CNOT6: variants seen among roughly 807,000 people sequenced by gnomAD.
CNOT6 encodes the protein CCR4-NOT transcription complex subunit 6.
Under a neutral mutation model 61.2 loss-of-function variants are expected in CNOT6, and 12 were observed. The ratio of observed to expected loss-of-function variants is 0.20; its 90% CI spans 0.13 to 0.32. The LOEUF (loss-of-function observed/expected upper bound fraction) is 0.32, where lower values mean the gene tolerates loss of function less well. Ranked by LOEUF, CNOT6 falls within the 10% of genes least tolerant of loss-of-function variation. The probability of loss-of-function intolerance (pLI) is 1.00; values close to 1 mark genes in which losing one functional copy is unlikely to be tolerated. For missense variants in CNOT6, 405 were observed against 663.9 expected, an observed-to-expected ratio of 0.61 and a Z score of 4.28; for synonymous variants, 225 against 240.6, an observed-to-expected ratio of 0.94 and a Z score of 0.60.
In CNOT6 at chr5:180,567,210, T is replaced by A; in HGVS notation, c.840T>A (p.Val280=). 1 of 1,610,940 alleles carries A rather than the reference T, an allele frequency of 6.2e-7. No homozygotes were observed. The highest frequency in any genetic ancestry group is 2.2e-5 in the East Asian group (1 of 44,854). ...RTMSEQERKH[V]DGCAIFFKTE... ...TGTCAGAACAAGAAAGGAAACATGT[T>A]GATGGCTGTGCAATATTCTTCAAGA... is the stretch of plus-strand genomic sequence containing the variant. Residue 280 remains valine, a synonymous_variant, in exon 8 of 12, where the codon GTT becomes GTA. Coordinates refer to ENST00000261951, the MANE Select transcript of CNOT6 (RefSeq NM_001370472.1).
intron 3 of CNOT6, among the ~76,000 whole-genome samples, chr5:180,550,776 C>A (rs1759556517): frequency 6.6e-6 from 1 of 152,120 alleles, no homozygotes; most frequent in Admixed American, 6.6e-5. Flanking sequence ...GAAACCATTG[C>A]CAGTTGGTGA....
intron 2 of CNOT6, among the ~76,000 whole-genome samples, chr5:180,546,023 TTCTC>T (rs905324654): frequency 3.4e-5 from 5 of 148,242 alleles, no homozygotes; most frequent in East Asian, 2.0e-4. Context: ...TTTTATTTCT[TTCTC>T]TCTCTTTTTT....
intron 4 of CNOT6, among the ~76,000 whole-genome samples, chr5:180,557,400 T>G (rs1255233239): frequency 1.3e-5 from 2 of 152,138 alleles, no homozygotes; most frequent in African/African-American, 4.8e-5. Context: ...GCATTTGGTG[T>G]TGTGACTGTT....
At chr5:180,519,699 G>A (rs772225377) in intron 1 of CNOT6, among the ~76,000 whole-genome samples, 7 of 151,498 alleles carry the variant, frequency 4.6e-5, no homozygotes, top group African/African-American at 1.2e-4. Context: ...CATATAAATG[G>A]AATCTCTTGG....
chr5:180,577,165 G>A lies in CNOT6; in HGVS notation c.*2965G>A, dbSNP rs370242658. ...ATAGGCAGAGAACATCTCCAGAAAT[G>A]TGTGTGTGTGTGTGTGTGTGTGTGT... On this transcript the variant is annotated 3_prime_UTR_variant, in exon 12 of 12. Transcript: ENST00000261951. 6.9e-6 allele frequency: 1 copy of A among 145,790 alleles called. No homozygotes were observed. Among genetic ancestry groups the A allele is most frequent in the African/African-American group, 2.6e-5 (1 of 38,676 alleles). The allele number at this position is 145,790 out of a possible 1,614,324, so 9.0% of individuals were successfully genotyped here.
At chr5:180,546,048 G>A (rs1216122426) in intron 2 of CNOT6, among the ~76,000 whole-genome samples, 1 of 151,466 alleles carries the variant, frequency 6.6e-6, no homozygotes, top group Non-Finnish European at 1.5e-5. Flanking sequence ...TTTAGACAGA[G>A]TCTTGCTTGG....
chr5:180,510,919 C>T (rs1382865636), intron 1 of CNOT6, among the ~76,000 whole-genome samples: 3 of 152,118 alleles, frequency 2.0e-5, no homozygotes, highest in Non-Finnish European at 2.9e-5. Flanking sequence ...ATTCTCTTGC[C>T]TCAGCCTTCT....
chr5:180,561,356 T>TTGTA (rs1554102909), intron 4 of CNOT6, among the ~76,000 whole-genome samples: 3 of 144,748 alleles, frequency 2.1e-5, no homozygotes, highest in African/African-American at 7.7e-5. Flanking sequence ...CTTGTGTGTT[T>TTGTA]TGTGTGTGTG....
chr5:180,541,739 A>G (rs564981274), intron 2 of CNOT6, among the ~76,000 whole-genome samples: 4 of 150,960 alleles, frequency 2.6e-5, no homozygotes, highest in African/African-American at 9.7e-5. Flanking sequence ...GGCGTGAGCC[A>G]CCATGCCCGG....
chr5:180,531,089 C>A (rs1406474327), intron 2 of CNOT6, among the ~76,000 whole-genome samples: 1 of 151,958 alleles, frequency 6.6e-6, no homozygotes, highest in Non-Finnish European at 1.5e-5. Context: ...GGTACACCTC[C>A]CAGATGGGGT....
Position 180,571,374 on chromosome 5 carries a change from TAC to T in CNOT6, c.1405_1406del (p.Gln469GlufsTer4). 6.2e-7 allele frequency: 1 copy of T among 1,614,178 alleles called. No individual in the cohort carries two copies. Among genetic ancestry groups the T allele is most frequent in the Non-Finnish European group, 8.5e-7 (1 of 1,179,998 alleles). On this transcript the variant is annotated frameshift_variant, in exon 11 of 12. Transcript: ENST00000261951. LOFTEE classifies it high-confidence loss of function. The stretch of plus-strand genomic sequence containing the variant: ...GGAAGGATCACTCATGGTTTCAAGT[TAC>T]AGAGTGCCTATGAGAGTGGCCTGAT...
intron 2 of CNOT6, among the ~76,000 whole-genome samples, chr5:180,536,086 C>A (rs1581517810): frequency 1.4e-5 from 2 of 140,970 alleles, no homozygotes; most frequent in Admixed American, 1.6e-4. Flanking sequence ...AGCTCTGCCT[C>A]CCACGTTCAC....
rs1313523227 is a variant in CNOT6, at chr5:180,575,857, T to C, written c.*1657T>C. ...TACTCACTCTTACTAACAATTTTTA[T>C]ACAGAAAATGAGTCATTTTGGAAAT... On this transcript the variant is annotated 3_prime_UTR_variant, in exon 12 of 12. Coordinates refer to ENST00000261951, the MANE Select transcript of CNOT6 (RefSeq NM_001370472.1). 1 of 152,210 alleles carries C rather than the reference T, an allele frequency of 6.6e-6. No individual in the cohort carries two copies. The highest frequency in any genetic ancestry group is 1.5e-5 in the Non-Finnish European group (1 of 67,974). The allele number at this position is 152,210 out of a possible 1,614,324, so 9.4% of individuals were successfully genotyped here.
chr5:180,528,575 A>C (rs1242810394), intron 1 of CNOT6, among the ~76,000 whole-genome samples: 2 of 151,960 alleles, frequency 1.3e-5, no homozygotes, highest in African/African-American at 4.8e-5. Context: ...TCGGCCTCCC[A>C]AAGTGCTGGG....
chr5:180,555,805 C>T (rs1243609268), intron 4 of CNOT6, among the ~76,000 whole-genome samples: 1 of 152,200 alleles, frequency 6.6e-6, no homozygotes, highest in Non-Finnish European at 1.5e-5. Context: ...ATACGTCATA[C>T]ATTCTTGCAG....
chr5:180,548,394 C>A (rs1025793879), intron 2 of CNOT6, among the ~76,000 whole-genome samples: 2 of 152,156 alleles, frequency 1.3e-5, no homozygotes, highest in African/African-American at 4.8e-5. Flanking sequence ...TCGATCAATA[C>A]CCTGTTGACA....
In CNOT6 at chr5:180,502,204, C is replaced by G. The variant is rs17697839; in HGVS notation, c.-3+7441C>G. 9.9e-3 allele frequency among the ~76,000 whole-genome samples: 1,510 copies of G among 152,194 alleles called. 17 individuals are homozygous for G. The highest frequency in any genetic ancestry group is 0.014 in the Non-Finnish European group (958 of 68,002). ...GTATGTTTCCAAACGTTCCCCTGAT[C>G]TATTGGTTGAAATTATTGCATTTTT... On this transcript the variant is annotated intron_variant, in intron 1 of 11. Transcript: ENST00000261951.
chr5:180,517,865 G>A (rs998202735), intron 1 of CNOT6, among the ~76,000 whole-genome samples: 2 of 152,126 alleles, frequency 1.3e-5, no homozygotes, highest in African/African-American at 4.8e-5. Flanking sequence ...CTTAAACGAG[G>A]GCTGTTTGAT....
chr5:180,494,852 C>T (rs1269399375), intron 1 of CNOT6, 89 bp downstream of exon 1: 7 of 151,968 alleles, frequency 4.6e-5, no homozygotes, highest in African/African-American at 1.4e-4. Context: ...GGCTCGGTCG[C>T]GGGCAACTTT....
Sources: allele counts gnomAD v4.1 joint callset (sites outside exome capture counted in the v4.1 genomes callset), GRCh38; gene constraint gnomAD v4.1.1; transcripts MANE v1.5; gene names NCBI Gene and HGNC (gene_info 2026-07-23, HGNC 2026-07-21).